The following NR4A1 variants were observed in gnomAD, a reference collection of about 807,000 sequenced individuals.
NR4A1 encodes the protein nuclear receptor subfamily 4 group A member 1.
NR4A1 carries 24 observed loss-of-function variants against 47.5 expected under a neutral mutation model. The ratio of observed to expected loss-of-function variants is 0.50; its 90% CI spans 0.37 to 0.71. The LOEUF is 0.71. Ranked by LOEUF, NR4A1 falls within the 30% of genes least tolerant of loss-of-function variation. The pLI, the probability that NR4A1 is intolerant of heterozygous loss-of-function variation, is 0.00. For synonymous variants in NR4A1, 353 were observed against 345.7 expected, an observed-to-expected ratio of 1.02 and a Z score of -0.24; for missense variants, 669 against 788.6, an observed-to-expected ratio of 0.85 and a Z score of 1.82.
At chr12:52,028,435 G>A (rs1358518438) in intron 1 of NR4A1, among the ~76,000 whole-genome samples, 6 of 151,976 alleles carry the variant, frequency 3.9e-5, no homozygotes, top group South Asian at 4.1e-4. Context: ...TTAGCTGGGC[G>A]TGGTGGCTCA....
intron 2 of NR4A1, chr12:52,055,530 C>T (rs571531124): frequency 3.6e-5 from 20 of 551,830 alleles, no homozygotes; most frequent in African/African-American, 3.6e-4. Context: ...ACTCAAGGTT[C>T]TAGTGGGAAG....
upstream of NR4A1, among the ~76,000 whole-genome samples, chr12:52,051,175 G>C (rs949970660): frequency 6.6e-6 from 1 of 152,222 alleles, no homozygotes; most frequent in African/African-American, 2.4e-5. Context: ...GGCGCGAGGA[G>C]CCTATTTATA....
At chr12:52,051,400 G>A (rs907064330), upstream of NR4A1, 9 of 985,416 alleles carry the variant, frequency 9.1e-6, no homozygotes, top group African/African-American at 1.6e-4. Context: ...CCCTCCCCGT[G>A]CGTCACGGAG....
At chr12:52,051,280 G>A, upstream of NR4A1, 1 of 357,352 alleles carries the variant, frequency 2.8e-6, no homozygotes, top group Non-Finnish European at 3.9e-6. Flanking sequence ...GCCCCCTCGG[G>A]CTCCCCGGGC....
At chr12:52,047,711 G>T (rs753112652), upstream of NR4A1, among the ~76,000 whole-genome samples, 1 of 152,204 alleles carries the variant, frequency 6.6e-6, no homozygotes, top group Non-Finnish European at 1.5e-5. Flanking sequence ...TCAGACCAGG[G>T]ACCTGGACAG....
chr12:52,038,636 T>G (rs2120953816), intron 1 of NR4A1: 1 of 724,782 alleles, frequency 1.4e-6, no homozygotes. Flanking sequence ...AGTGAACATT[T>G]AAGATCAGTG....
chr12:52,056,194 G>T, intron 3 of NR4A1, 35 bp downstream of exon 3: 2 of 1,557,390 alleles, frequency 1.3e-6, no homozygotes, highest in Non-Finnish European at 1.7e-6. Context: ...CGGGGCAAGG[G>T]TAGGCTTGAG....
chr12:52,054,201 T>C, intron 1 of NR4A1, 126 bp from the exon 2 acceptor site: 1 of 791,266 alleles, frequency 1.3e-6, no homozygotes, highest in Non-Finnish European at 2.0e-6. Flanking sequence ...TCCCGGTGCC[T>C]CTGTCTCATC....
chr12:52,028,063 G>C (rs371606549), intron 1 of NR4A1, among the ~76,000 whole-genome samples: 49 of 151,962 alleles, frequency 3.2e-4, no homozygotes, highest in African/African-American at 1.1e-3. Context: ...TTAGCCGGGC[G>C]TGGTGGCATG....
chr12:52,054,117 G>A (rs1424935639), intron 1 of NR4A1: 13 of 560,572 alleles, frequency 2.3e-5, no homozygotes, highest in East Asian at 5.8e-5. Flanking sequence ...ATGCTGGGCC[G>A]CTGCCCAGGG....
upstream of NR4A1, among the ~76,000 whole-genome samples, chr12:52,046,857 C>T (rs1938666447): frequency 6.6e-6 from 1 of 152,132 alleles, no homozygotes; most frequent in Admixed American, 6.5e-5. Context: ...GTGGCGGGCG[C>T]TTGTAGTCCC....
chr12:52,037,965 G>C (rs1382646366), intron 1 of NR4A1: 1 of 707,646 alleles, frequency 1.4e-6, no homozygotes, highest in African/African-American at 2.0e-5. Flanking sequence ...GTGGGGTGGG[G>C]GCGGGGGTGG....
At chr12:52,047,745 T>G (rs1343479869), upstream of NR4A1, among the ~76,000 whole-genome samples, 1 of 152,230 alleles carries the variant, frequency 6.6e-6, no homozygotes, top group Non-Finnish European at 1.5e-5. Context: ...TCAGTTTTCC[T>G]TGGGCTTATG....
At position 52,055,156 on chromosome 12, in the gene NR4A1, C is replaced by T. The variant is rs1195420775; in HGVS notation, c.828C>T (p.Cys276=). The stretch of plus-strand genomic sequence containing the variant: ...CTGTGTGTGGGGACAACGCTTCATG[C>T]CAGCATTATGGTGTCCGCACATGTG... ...RCAVCGDNAS[C]QHYGVRTCEG... The change falls in exon 2 of 7, where the codon TGC becomes TGT. Residue 276 remains cysteine, a synonymous_variant. Coordinates refer to ENST00000394825, the MANE Select transcript of NR4A1 (RefSeq NM_173157.3). The T allele has an allele frequency of 1.2e-6, 2 of 1,613,902 alleles. No homozygotes were observed. Among genetic ancestry groups the T allele is most frequent in the Non-Finnish European group, 1.7e-6 (2 of 1,180,034 alleles).
chr12:52,023,467 T>A (rs1387069835), intron 1 of NR4A1, among the ~76,000 whole-genome samples: 1 of 152,058 alleles, frequency 6.6e-6, no homozygotes, highest in Non-Finnish European at 1.5e-5. Flanking sequence ...AGTAACCGCC[T>A]CCCGAGGCAG....
At chr12:52,038,375 T>G in intron 1 of NR4A1, 3 of 254,386 alleles carry the variant, frequency 1.2e-5, no homozygotes, top group Non-Finnish European at 2.3e-5. Flanking sequence ...CTCATTCCCT[T>G]TTTATGCCTT....
At chr12:52,052,383 A>G (rs1939029075) in intron 1 of NR4A1, 1 of 572,412 alleles carries the variant, frequency 1.7e-6, no homozygotes, top group Non-Finnish European at 2.2e-6. Context: ...AGAAGTTGCC[A>G]GTGTTGGAGT....
At chr12:52,055,698 C>T (rs991986895) in intron 2 of NR4A1, 6 of 290,746 alleles carry the variant, frequency 2.1e-5, no homozygotes, top group African/African-American at 4.5e-5. Context: ...AGCCCCTTGG[C>T]CCTCTCCTGT....
chr12:52,057,994 A>G (rs1939363786), intron 6 of NR4A1, among the ~76,000 whole-genome samples: 1 of 152,018 alleles, frequency 6.6e-6, no homozygotes, highest in Non-Finnish European at 1.5e-5. Context: ...TTTTATTTAA[A>G]TATTTTAAAA....
Sources: gnomAD v4.1 joint callset for allele counts (sites outside exome capture counted in the v4.1 genomes callset) on GRCh38, gnomAD v4.1.1 for gene constraint, MANE v1.5 for transcripts, NCBI Gene and HGNC (gene_info 2026-07-23, HGNC 2026-07-21) for gene names.